The following SLC9A8 variants were observed in gnomAD, a reference collection of about 807,000 sequenced individuals.
The protein encoded by SLC9A8 is solute carrier family 9 member A8.
In SLC9A8, 48 loss-of-function variants were observed where a neutral mutation model predicts 66.6. The ratio of observed to expected loss-of-function variants is 0.72; its 90% CI spans 0.57 to 0.92. SLC9A8 has a LOEUF of 0.92. Ranked by LOEUF, SLC9A8 falls within the 40% of genes least tolerant of loss-of-function variation. The probability of loss-of-function intolerance (pLI) is 0.00; values close to 1 mark genes in which losing one functional copy is unlikely to be tolerated. For synonymous variants in SLC9A8, 274 were observed against 282.6 expected, an observed-to-expected ratio of 0.97 and a Z score of 0.31; for missense variants, 599 against 747.3, an observed-to-expected ratio of 0.80 and a Z score of 2.31.
chr20:49,872,069 A>G (rs1444549307), intron 10 of SLC9A8, among the ~76,000 whole-genome samples: 1 of 152,166 alleles, frequency 6.6e-6, no homozygotes, highest in East Asian at 1.9e-4. Flanking sequence ...CATTGAGCTG[A>G]GATGGCACCA....
chr20:49,866,956 T>C (rs1011476759), intron 10 of SLC9A8, among the ~76,000 whole-genome samples: 3 of 152,236 alleles, frequency 2.0e-5, no homozygotes, highest in Non-Finnish European at 2.9e-5. Context: ...CTTTAGGTTA[T>C]TTTCATTTCT....
chr20:49,819,019 T>A (rs796109079), intron 2 of SLC9A8, among the ~76,000 whole-genome samples: 13 of 152,368 alleles, frequency 8.5e-5, no homozygotes, highest in African/African-American at 3.1e-4. Context: ...TACAGTGTGT[T>A]CCTCTTTGTT....
chr20:49,839,256 C>T (rs952147806), intron 3 of SLC9A8, among the ~76,000 whole-genome samples: 1 of 152,260 alleles, frequency 6.6e-6, no homozygotes, highest in East Asian at 1.9e-4. Context: ...AAATGATAGG[C>T]GGTAAATCTT....
chr20:49,843,127 A>G (rs1270020811), intron 4 of SLC9A8, among the ~76,000 whole-genome samples: 1 of 152,022 alleles, frequency 6.6e-6, no homozygotes, highest in Non-Finnish European at 1.5e-5. Flanking sequence ...CCTGGTGGCC[A>G]TGAATTGTGA....
rs1450947494 is a variant in SLC9A8 at position 49,886,072 on chromosome 20, C to T, written c.1492-680C>T. Among the ~76,000 whole-genome samples the T allele has an allele frequency of 6.6e-6, 1 of 152,148 alleles. No homozygotes were observed. The highest frequency in any genetic ancestry group is 6.5e-5 in the Admixed American group (1 of 15,288). ...ACAGCATCTAAATGCCCTCCCCTCC[C>T]CGGCCATCCTCTGCCCTCCCTGCAC... On this transcript the variant is annotated intron_variant, in intron 14 of 15. Transcript: ENST00000361573. The surrounding 1 kb of genome is among the most constrained non-coding windows in gnomAD (Gnocchi z 4.8).
At chr20:49,820,174 G>A (rs760253855) in intron 2 of SLC9A8, among the ~76,000 whole-genome samples, 4 of 152,104 alleles carry the variant, frequency 2.6e-5, no homozygotes, top group South Asian at 2.1e-4. Flanking sequence ...ATGTTCTTGC[G>A]AACACTTGTT....
chr20:49,813,007 G>T (rs2086409444), intron 1 of SLC9A8, 59 bp downstream of exon 1: 3 of 1,346,002 alleles, frequency 2.2e-6, no homozygotes, highest in Non-Finnish European at 2.9e-6. Flanking sequence ...GCGGGTGACA[G>T]CGAGCGCCTC....
chr20:49,815,476 C>T (rs143850560), intron 2 of SLC9A8: 15 of 246,686 alleles, frequency 6.1e-5, no homozygotes, highest in East Asian at 3.9e-4. Context: ...AGGCCTGGCG[C>T]GGTGGCTCAA....
intron 3 of SLC9A8, among the ~76,000 whole-genome samples, chr20:49,834,416 T>TAC (rs1177225670): frequency 4.2e-5 from 2 of 47,562 alleles, no homozygotes; most frequent in Admixed American, 2.1e-4. Flanking sequence ...TATATATATA[T>TAC]ACTGTATATA....
intron 6 of SLC9A8, among the ~76,000 whole-genome samples, chr20:49,849,924 G>A (rs929706356): frequency 2.6e-5 from 4 of 152,180 alleles, no homozygotes; most frequent in African/African-American, 9.7e-5. Flanking sequence ...CCCCCCCAAA[G>A]TATTTGAGTT....
intron 15 of SLC9A8, among the ~76,000 whole-genome samples, chr20:49,887,182 G>A (rs551911037): frequency 8.9e-4 from 136 of 152,286 alleles, no homozygotes; most frequent in Non-Finnish European, 1.1e-3. Flanking sequence ...TACTGAATCG[G>A]AGCTGAGGAA....
intron 5 of SLC9A8, among the ~76,000 whole-genome samples, chr20:49,849,041 A>C (rs144987316): frequency 6.6e-6 from 1 of 152,184 alleles, no homozygotes; most frequent in Non-Finnish European, 1.5e-5. Context: ...GAGAGCACAG[A>C]CTAGGATCTG....
chr20:49,824,539 G>A (rs1269393113), intron 3 of SLC9A8, among the ~76,000 whole-genome samples: 1 of 152,000 alleles, frequency 6.6e-6, no homozygotes, highest in African/African-American at 2.4e-5. Context: ...AATTATAGTT[G>A]GTGTGTATTT....
intron 12 of SLC9A8, among the ~76,000 whole-genome samples, chr20:49,878,677 A>T (rs2089518697): frequency 6.6e-6 from 1 of 152,096 alleles, no homozygotes; most frequent in African/African-American, 2.4e-5. Context: ...TGTCCTCCAA[A>T]CTCAGGTTTC....
chr20:49,846,900 G>A (rs559035456), intron 5 of SLC9A8, among the ~76,000 whole-genome samples: 1 of 152,310 alleles, frequency 6.6e-6, no homozygotes, highest in African/African-American at 2.4e-5. Flanking sequence ...TCCAGCCTGA[G>A]TGATAGAGGG....
At chr20:49,881,936 C>T (rs964142442) in intron 13 of SLC9A8, among the ~76,000 whole-genome samples, 6 of 151,930 alleles carry the variant, frequency 3.9e-5, no homozygotes, top group Non-Finnish European at 5.9e-5. Flanking sequence ...GATAAGAGAG[C>T]GTTATGGGGA....
intron 4 of SLC9A8, among the ~76,000 whole-genome samples, chr20:49,844,757 A>G (rs2087912078): frequency 6.6e-6 from 1 of 151,554 alleles, no homozygotes; most frequent in South Asian, 2.1e-4. Flanking sequence ...CTGTGATTGC[A>G]CCACTGCACT....
rs544241779 is a variant in SLC9A8, at chr20:49,889,154, C to T, written c.*1218C>T. 6.6e-6 allele frequency: 1 copy of T among 152,314 alleles called. No individual in the cohort carries two copies. The highest frequency in any genetic ancestry group is 1.9e-4 in the East Asian group (1 of 5,200). The allele number at this position is 152,314 out of a possible 1,614,324, so 9.4% of individuals were successfully genotyped here. A position where few individuals can be genotyped will look rare whatever the true frequency, so the allele number is the denominator to read the frequency against. On this transcript the variant is annotated 3_prime_UTR_variant, in exon 16 of 16. Coordinates refer to ENST00000361573, the MANE Select transcript of SLC9A8 (RefSeq NM_015266.3). ...GTCCAGATGGAATGACTCCCATCCT[C>T]TCCTCATCTCCCCTTTGACGAGCCT...
chr20:49,828,073 A>ATTT (rs58366162), intron 3 of SLC9A8, among the ~76,000 whole-genome samples: 41 of 81,510 alleles, frequency 5.0e-4, no homozygotes, highest in East Asian at 1.0e-3. Context: ...CCAAAAAAAA[A>ATTT]TTTTTTTTTT....
Sources: allele counts gnomAD v4.1 joint callset (sites outside exome capture counted in the v4.1 genomes callset), GRCh38; gene constraint gnomAD v4.1.1; non-coding constraint Gnocchi (gnomAD v3.1); transcripts MANE v1.5; gene names NCBI Gene and HGNC (gene_info 2026-07-23, HGNC 2026-07-21).